The following ZBTB16 variants were observed in gnomAD, a reference collection of about 807,000 sequenced individuals.
ZBTB16 encodes the protein zinc finger and BTB domain-containing protein 16.
In ZBTB16, 8 loss-of-function variants were observed where a neutral mutation model predicts 56.8. The observed-to-expected ratio is 0.14, with a 90% CI of 0.08 to 0.25. The LOEUF (loss-of-function observed/expected upper bound fraction) is 0.25, where lower values mean the gene tolerates loss of function less well. Ranked by LOEUF, ZBTB16 falls within the 10% of genes least tolerant of loss-of-function variation. The pLI, the probability that ZBTB16 is intolerant of heterozygous loss-of-function variation, is 1.00. For synonymous variants in ZBTB16, 363 were observed against 368.5 expected (o/e 0.98, Z 0.17); for missense variants, 625 against 903.0 (o/e 0.69, Z 3.95).
At chr11:114,235,974 G>C (rs997818076) in intron 4 of ZBTB16, among the ~76,000 whole-genome samples, 14 of 151,764 alleles carry the variant, frequency 9.2e-5, no homozygotes, top group African/African-American at 3.4e-4. Context: ...ATATTACTAA[G>C]AGTCATGTTC....
intron 2 of ZBTB16, among the ~76,000 whole-genome samples, chr11:114,079,461 T>C (rs1392222676): frequency 6.6e-6 from 1 of 152,198 alleles, no homozygotes; most frequent in Non-Finnish European, 1.5e-5. Context: ...TGTTAGTACA[T>C]TGTGAATATA....
At chr11:114,089,167 G>A (rs892971873) in intron 2 of ZBTB16, among the ~76,000 whole-genome samples, 5 of 152,340 alleles carry the variant, frequency 3.3e-5, no homozygotes, top group African/African-American at 1.2e-4. Context: ...TCTGCGGGGA[G>A]CGTTGCTGGT....
chr11:114,066,244 AC>A, intron 2 of ZBTB16, among the ~76,000 whole-genome samples: 1 of 151,980 alleles, frequency 6.6e-6, no homozygotes, highest in African/African-American at 2.4e-5. Flanking sequence ...ATCTGCTCTG[AC>A]CCTGCCTCCT....
At chr11:114,212,660 C>T (rs1349084528) in intron 4 of ZBTB16, among the ~76,000 whole-genome samples, 2 of 152,172 alleles carry the variant, frequency 1.3e-5, no homozygotes, top group Non-Finnish European at 2.9e-5. Flanking sequence ...GGTTGCTTCC[C>T]GAAGCTGCTT....
At position 114,070,319 on chromosome 11, in the gene ZBTB16, A is replaced by G. The variant is rs541868082; in HGVS notation, c.1268+5751A>G. Among the ~76,000 whole-genome samples the G allele has an allele frequency of 7.9e-5, 12 of 151,358 alleles. No individual in the cohort carries two copies. The South Asian group carries it at 2.5e-3, about 32-fold the overall frequency. On this transcript the variant is annotated intron_variant, in intron 2 of 6. Coordinates refer to ENST00000335953, the MANE Select transcript of ZBTB16 (RefSeq NM_006006.6). ...GAGACGGGGTTTCACCTTGTTAGCCAGGATGGTCTCGATCTCCTGACCTCA... is the reference window on the plus strand; with the variant it reads ...GAGACGGGGTTTCACCTTGTTAGCCGGGATGGTCTCGATCTCCTGACCTCA...
intron 4 of ZBTB16, among the ~76,000 whole-genome samples, chr11:114,226,922 C>A (rs1386427292): frequency 1.3e-5 from 2 of 152,140 alleles, no homozygotes; most frequent in Non-Finnish European, 2.9e-5. Flanking sequence ...CCCCAAATAG[C>A]AAGAAGGACA....
intron 2 of ZBTB16, among the ~76,000 whole-genome samples, chr11:114,097,212 T>C (rs546459778): frequency 1.5e-4 from 23 of 152,250 alleles, no homozygotes; most frequent in Admixed American, 1.3e-3. Context: ...GGACAGATAG[T>C]GTATGGTGCC....
intron 2 of ZBTB16, among the ~76,000 whole-genome samples, chr11:114,151,869 C>T (rs1232446897): frequency 6.6e-6 from 1 of 152,230 alleles, no homozygotes; most frequent in Admixed American, 6.5e-5. Flanking sequence ...TTGTGGTCAG[C>T]TCTCTCTGGA....
At chr11:114,171,060 G>T (rs1942953356) in intron 3 of ZBTB16, among the ~76,000 whole-genome samples, 1 of 152,220 alleles carries the variant, frequency 6.6e-6, no homozygotes, top group Admixed American at 6.5e-5. Context: ...TTGGGGTCTG[G>T]AGTCAGAAGC....
chr11:114,105,882 C>T (rs1940771718), intron 2 of ZBTB16, among the ~76,000 whole-genome samples: 1 of 152,174 alleles, frequency 6.6e-6, no homozygotes, highest in African/African-American at 2.4e-5. Flanking sequence ...TGGGGTAGCC[C>T]AGATCACCAG....
intron 3 of ZBTB16, among the ~76,000 whole-genome samples, chr11:114,179,525 T>A (rs748279063): frequency 6.6e-6 from 1 of 152,210 alleles, no homozygotes; most frequent in Non-Finnish European, 1.5e-5. Flanking sequence ...TACTTCCTTA[T>A]GTAAGCAGGC....
intron 2 of ZBTB16, among the ~76,000 whole-genome samples, chr11:114,094,654 C>T (rs781377154): frequency 3.3e-5 from 5 of 152,200 alleles, no homozygotes; most frequent in Non-Finnish European, 7.3e-5. Context: ...ACAGTGCTTT[C>T]GTGTGAATTA....
At chr11:114,120,446 T>C (rs1005892629) in intron 2 of ZBTB16, among the ~76,000 whole-genome samples, 10 of 152,218 alleles carry the variant, frequency 6.6e-5, no homozygotes, top group Non-Finnish European at 1.5e-4. Flanking sequence ...TTCTACTGTT[T>C]CATCCCTTTC....
chr11:114,139,126 A>G (rs1490572942), intron 2 of ZBTB16, among the ~76,000 whole-genome samples: 1 of 152,240 alleles, frequency 6.6e-6, no homozygotes, highest in African/African-American at 2.4e-5. Flanking sequence ...GAGGATTTGT[A>G]CAATGCAAGT....
chr11:114,094,037 C>G (rs1320500476), intron 2 of ZBTB16, among the ~76,000 whole-genome samples: 1 of 152,202 alleles, frequency 6.6e-6, no homozygotes, highest in Non-Finnish European at 1.5e-5. Flanking sequence ...TTTTCAGGGC[C>G]AGGCGCGGTG....
intron 2 of ZBTB16, among the ~76,000 whole-genome samples, chr11:114,146,078 G>T (rs1247358674): frequency 3.9e-5 from 6 of 152,194 alleles, no homozygotes; most frequent in African/African-American, 1.2e-4. Flanking sequence ...CTGGAGTCCA[G>T]CATACGGTAG....
In ZBTB16 at chr11:114,072,828, G is replaced by A. The variant is rs377459073; in HGVS notation, c.1268+8260G>A. ...AGCACTTTGGGAGGCCGAGGCGGGC[G>A]GATCACGAGGTCAGGAGATCGAGAC... is the stretch of plus-strand genomic sequence containing the variant. On this transcript the variant is annotated intron_variant, in intron 2 of 6. Coordinates refer to ENST00000335953, the MANE Select transcript of ZBTB16 (RefSeq NM_006006.6). Among the ~76,000 whole-genome samples, 840 of 152,088 alleles carry A rather than the reference G, an allele frequency of 5.5e-3. 9 individuals carry two copies. The highest frequency in any genetic ancestry group is 0.019 in the African/African-American group (782 of 41,480).
Position 114,064,383 on chromosome 11 carries a change from C to G in ZBTB16, c.1083C>G (p.Ala361=), listed in dbSNP as rs758467324. The G allele has an allele frequency of 1.2e-6, 2 of 1,614,100 alleles. No homozygotes were observed. Among genetic ancestry groups the G allele is most frequent in the South Asian group, 1.1e-5 (1 of 91,076 alleles). The stretch of plus-strand genomic sequence containing the variant: ...CCTCTGGCCTCCACGTGCAGCCTGC[C>G]CTGGCTGTCTCCATGGACTTCAGCA... ...SVTSGLHVQP[A]LAVSMDFSTY... The change falls in exon 2 of 7, where the codon GCC becomes GCG. Residue 361 remains alanine (A), a synonymous_variant. Transcript: ENST00000335953. This position sits in a 1 kb window ranked among gnomAD's most constrained non-coding sequence, Gnocchi z 4.2.
intron 4 of ZBTB16, among the ~76,000 whole-genome samples, chr11:114,200,533 G>A (rs964381453): frequency 2.0e-5 from 3 of 152,156 alleles, no homozygotes; most frequent in Non-Finnish European, 2.9e-5. Context: ...TCACTGATGA[G>A]GAATCACAGG....
Sources: gnomAD v4.1 joint callset for allele counts (sites outside exome capture counted in the v4.1 genomes callset) on GRCh38, gnomAD v4.1.1 for gene constraint, Gnocchi (gnomAD v3.1) non-coding constraint, MANE v1.5 for transcripts, NCBI Gene and HGNC (gene_info 2026-07-23, HGNC 2026-07-21) for gene names.